Variants in GPATCH2L observed in about 807,000 individuals in gnomAD.
The protein encoded by GPATCH2L is G patch domain-containing protein 2-like.
GPATCH2L carries 31 observed loss-of-function variants against 57.4 expected under a neutral mutation model. The observed-to-expected ratio is 0.54, with a 90% CI of 0.41 to 0.73. The LOEUF (loss-of-function observed/expected upper bound fraction) is 0.73, where lower values mean the gene tolerates loss of function less well. Among genes scored for constraint, GPATCH2L ranks in the 30% least tolerant of loss-of-function variants. GPATCH2L has a pLI of 0.00. For synonymous variants in GPATCH2L, 199 were observed against 210.7 expected (o/e 0.94, Z 0.48); for missense variants, 481 against 599.9 (o/e 0.80, Z 2.07).
intron 2 of GPATCH2L, among the ~76,000 whole-genome samples, chr14:76,231,384 C>T (rs2040560881): frequency 6.6e-6 from 1 of 152,154 alleles, no homozygotes; most frequent in African/African-American, 2.4e-5. Context: ...TGTAGGTCCT[C>T]ACTTTGTTTC....
chr14:76,177,912 G>A, intron 6 of GPATCH2L, 76 bp from the exon 7 acceptor site: 1 of 1,599,938 alleles, frequency 6.3e-7, no homozygotes, highest in Non-Finnish European at 8.6e-7. Flanking sequence ...CCATCAGCTG[G>A]GAAAAGAGAA....
intron 2 of GPATCH2L, among the ~76,000 whole-genome samples, chr14:76,156,703 A>C (rs2038323634): frequency 6.6e-6 from 1 of 152,230 alleles, no homozygotes; most frequent in Non-Finnish European, 1.5e-5. Context: ...TTTTAAAAGT[A>C]GCCTTTTGGG....
intron 8 of GPATCH2L, among the ~76,000 whole-genome samples, chr14:76,189,654 C>G (rs530017917): frequency 6.6e-6 from 1 of 152,090 alleles, no homozygotes; most frequent in African/African-American, 2.4e-5. Flanking sequence ...AACAAGGATA[C>G]TTTGATGTCT....
In GPATCH2L at chr14:76,207,563, G is replaced by A. The variant is rs2040393320; in HGVS notation, c.*5712G>A. 6.6e-6 allele frequency: 1 copy of A among 152,016 alleles called. No homozygotes were observed. The highest frequency in any genetic ancestry group is 1.5e-5 in the Non-Finnish European group (1 of 68,012). 9.4% of individuals were successfully genotyped at this position (152,016 alleles called of 1,614,324 possible). A position where few individuals can be genotyped will look rare whatever the true frequency, so the allele number is the denominator to read the frequency against. On this transcript the variant is annotated 3_prime_UTR_variant, in exon 10 of 10. Transcript: ENST00000261530. Reference sequence around the variant, plus strand: ...AAATTGGAAGAAAAAAACACCTTGGGTACATAGATGTGTAATAAATACCTG... The same window carrying A: ...AAATTGGAAGAAAAAAACACCTTGGATACATAGATGTGTAATAAATACCTG...
At chr14:76,195,488 A>C (rs1001000730) in intron 8 of GPATCH2L, among the ~76,000 whole-genome samples, 1 of 152,212 alleles carries the variant, frequency 6.6e-6, no homozygotes, top group Non-Finnish European at 1.5e-5. Flanking sequence ...TTCTATGCAA[A>C]TATCTGTGTT....
Position 76,202,013 on chromosome 14 carries a change from A to G in GPATCH2L, c.*162A>G, listed in dbSNP as rs2166322. ...AGCAGTGGATTCTTTCTCTCAGAAGATCATGTTGTGGGAATCTTTTTTTTA... is the reference window on the plus strand; with the variant it reads ...AGCAGTGGATTCTTTCTCTCAGAAGGTCATGTTGTGGGAATCTTTTTTTTA... On this transcript the variant is annotated 3_prime_UTR_variant, in exon 10 of 10. Coordinates refer to ENST00000261530, the MANE Select transcript of GPATCH2L (RefSeq NM_017926.4). 0.64 allele frequency: 351,500 copies of G among 549,756 alleles called. 116,730 individuals are homozygous for G. Among genetic ancestry groups the G allele is most frequent in the South Asian group, 0.77 (23,805 of 30,970 alleles). The allele number at this position is 549,756 out of a possible 1,614,324, so 34.1% of individuals were successfully genotyped here.
At position 76,197,967 on chromosome 14, in the gene GPATCH2L, G is replaced by A. The variant is rs530018312; in HGVS notation, c.1288+1995G>A. On this transcript the variant is annotated intron_variant, in intron 9 of 9. Transcript: ENST00000261530. ...TTTTCCCCTCCCCCAGTGGTAGAAA[G>A]TTTTGAGTTGCAATTGACTGAATTT... Among the ~76,000 whole-genome samples, 3 of 152,260 alleles carry A rather than the reference G, an allele frequency of 2.0e-5. No individual in the cohort carries two copies. The South Asian group carries it at 6.2e-4, about 32-fold the overall frequency.
chr14:76,169,092 G>A (rs1442135722), intron 3 of GPATCH2L, among the ~76,000 whole-genome samples: 1 of 152,132 alleles, frequency 6.6e-6, no homozygotes, highest in Admixed American at 6.6e-5. Context: ...TGTTAGTACT[G>A]TCTCCACCTT....
At chr14:76,163,760 A>G (rs2038704381) in intron 2 of GPATCH2L, among the ~76,000 whole-genome samples, 1 of 152,248 alleles carries the variant, frequency 6.6e-6, no homozygotes, top group Admixed American at 6.5e-5. Flanking sequence ...CATGTAGGGA[A>G]ACAGAACTAA....
intron 2 of GPATCH2L, among the ~76,000 whole-genome samples, chr14:76,159,080 G>A (rs1316884651): frequency 6.6e-6 from 1 of 152,184 alleles, no homozygotes; most frequent in Admixed American, 6.5e-5. Flanking sequence ...CATGTAATGC[G>A]TAATAACTTC....
intron 8 of GPATCH2L, among the ~76,000 whole-genome samples, chr14:76,182,152 T>C (rs939654150): frequency 6.6e-6 from 1 of 151,842 alleles, no homozygotes; most frequent in African/African-American, 2.4e-5. Flanking sequence ...GGTCAGGAGA[T>C]CGAGACCATC....
In GPATCH2L at chr14:76,208,222, T is replaced by C. The variant is rs1430865700; in HGVS notation, c.*6371T>C. On this transcript the variant is annotated 3_prime_UTR_variant, in exon 10 of 10. Transcript: ENST00000261530. ...GACCCTTGCTGACCCCTCAATCAAA[T>C]GTTTTTAATTGAAAGGGGAAAGAAA... The C allele has an allele frequency of 6.6e-6, 1 of 152,176 alleles. No homozygotes were observed. The highest frequency in any genetic ancestry group is 1.5e-5 in the Non-Finnish European group (1 of 68,030). The allele number at this position is 152,176 out of a possible 1,614,324, so 9.4% of individuals were successfully genotyped here.
At chr14:76,231,316 G>A (rs867036379) in intron 2 of GPATCH2L, among the ~76,000 whole-genome samples, 9 of 152,224 alleles carry the variant, frequency 5.9e-5, no homozygotes, top group Middle Eastern at 3.4e-3. Context: ...CCGTCATCAC[G>A]ACCGTCTCTT....
At chr14:76,163,245 T>C (rs2038680360) in intron 2 of GPATCH2L, among the ~76,000 whole-genome samples, 1 of 152,194 alleles carries the variant, frequency 6.6e-6, no homozygotes, top group Non-Finnish European at 1.5e-5. Context: ...GTATTCACCT[T>C]GTGGAGTTTG....
downstream of GPATCH2L, among the ~76,000 whole-genome samples, chr14:76,216,657 A>C (rs1337248116): frequency 6.6e-6 from 1 of 152,156 alleles, no homozygotes; most frequent in African/African-American, 2.4e-5. Flanking sequence ...CAATGCCATC[A>C]GTTTTTTTTC....
At chr14:76,176,738 A>G in intron 6 of GPATCH2L, 48 bp downstream of exon 6, 2 of 1,251,232 alleles carry the variant, frequency 1.6e-6, no homozygotes, top group South Asian at 1.2e-5. Flanking sequence ...TCCTTGGAGG[A>G]GGAGGCAGAG....
intron 8 of GPATCH2L, among the ~76,000 whole-genome samples, chr14:76,182,884 G>A (rs1475502621): frequency 6.6e-6 from 1 of 152,190 alleles, no homozygotes; most frequent in Non-Finnish European, 1.5e-5. Flanking sequence ...TTGTGCTCAA[G>A]CTGTCATAGA....
chr14:76,157,753 AACTC>A (rs1248571200), intron 2 of GPATCH2L, among the ~76,000 whole-genome samples: 3 of 152,090 alleles, frequency 2.0e-5, no homozygotes, highest in African/African-American at 7.2e-5. Context: ...AATTTCCTTA[AACTC>A]ACTCTTTGCG....
intron 8 of GPATCH2L, among the ~76,000 whole-genome samples, chr14:76,189,308 T>A (rs2039880996): frequency 6.6e-6 from 1 of 152,148 alleles, no homozygotes; most frequent in South Asian, 2.1e-4. Flanking sequence ...ATGGACATTT[T>A]AACAATATTG....
Sources: gnomAD v4.1 joint callset for allele counts (sites outside exome capture counted in the v4.1 genomes callset) on GRCh38, gnomAD v4.1.1 for gene constraint, MANE v1.5 for transcripts, NCBI Gene and HGNC (gene_info 2026-07-23, HGNC 2026-07-21) for gene names.